Variants in CNTNAP5 observed in about 807,000 individuals in gnomAD.
CNTNAP5 encodes the protein contactin associated protein family member 5.
Under a neutral mutation model 150.2 loss-of-function variants are expected in CNTNAP5, and 72 were observed. The ratio of observed to expected loss-of-function variants is 0.48; its 90% CI spans 0.40 to 0.58. CNTNAP5 has a LOEUF of 0.58. CNTNAP5 is among the 20% of genes least tolerant of loss of function. CNTNAP5 has a pLI of 0.00. For synonymous variants in CNTNAP5, 672 were observed against 619.8 expected (o/e 1.08, Z -1.25); for missense variants, 1,636 against 1,626.2 (o/e 1.01, Z -0.10).
chr2:124,671,985 C>A (rs990291476), intron 13 of CNTNAP5, among the ~76,000 whole-genome samples: 4 of 152,112 alleles, frequency 2.6e-5, no homozygotes, highest in African/African-American at 9.7e-5. Flanking sequence ...TTAGATATAC[C>A]CAGTGAGACT....
intron 5 of CNTNAP5, among the ~76,000 whole-genome samples, chr2:124,443,160 A>G (rs1692718638): frequency 6.6e-6 from 1 of 151,612 alleles, no homozygotes; most frequent in Non-Finnish European, 1.5e-5. Context: ...TCTAAAGTAA[A>G]TAGAAACATC....
At chr2:124,401,161 C>A (rs1298172719) in intron 3 of CNTNAP5, among the ~76,000 whole-genome samples, 1 of 152,162 alleles carries the variant, frequency 6.6e-6, no homozygotes, top group African/African-American at 2.4e-5. Context: ...CCATCGTGCC[C>A]AGCCAATTAT....
At chr2:124,282,905 CAG>C (rs1688048989) in intron 3 of CNTNAP5, among the ~76,000 whole-genome samples, 1 of 151,692 alleles carries the variant, frequency 6.6e-6, no homozygotes, top group African/African-American at 2.4e-5. Flanking sequence ...ATTTTTCAAT[CAG>C]TGAATAAACA....
intron 13 of CNTNAP5, among the ~76,000 whole-genome samples, chr2:124,729,254 T>A (rs1680221054): frequency 6.6e-6 from 1 of 152,106 alleles, no homozygotes; most frequent in Non-Finnish European, 1.5e-5. Flanking sequence ...CATTTCTTAG[T>A]TGAGAACTCT....
At chr2:124,062,301 A>G (rs957695159) in intron 1 of CNTNAP5, among the ~76,000 whole-genome samples, 3 of 151,974 alleles carry the variant, frequency 2.0e-5, no homozygotes, top group African/African-American at 4.8e-5. Context: ...CTCCCTCACA[A>G]TCTACTCCTC....
chr2:124,772,806 A>C lies in CNTNAP5; in HGVS notation c.2541A>C (p.Ser847=). 2 of 1,612,638 alleles carry C rather than the reference A, an allele frequency of 1.2e-6. No homozygotes were observed. The highest frequency in any genetic ancestry group is 2.2e-5 in the East Asian group (1 of 44,854). The change falls in exon 17 of 24, where the codon TCA becomes TCC. Residue 847 remains serine (S), a synonymous_variant. Transcript: ENST00000682447. ...DFIRLEISSP[S]EITFAIDVGN... ...TTTCCTTTCCGGTTTCAGCTCCTTC[A>C]GAGATCACCTTTGCCATCGATGTTG...
intron 6 of CNTNAP5, among the ~76,000 whole-genome samples, chr2:124,457,295 T>C (rs1225745756): frequency 6.6e-6 from 1 of 152,004 alleles, no homozygotes; most frequent in African/African-American, 2.4e-5. Context: ...CAAAGATAAA[T>C]AGCTAGGACT....
At chr2:124,471,277 C>T (rs1238734529) in intron 6 of CNTNAP5, among the ~76,000 whole-genome samples, 7 of 152,000 alleles carry the variant, frequency 4.6e-5, no homozygotes, top group Non-Finnish European at 1.0e-4. Context: ...TGAAGAGGTC[C>T]TTCACTTTCC....
At chr2:124,772,722 G>T (rs371982486) in intron 16 of CNTNAP5, 77 bp from the exon 17 acceptor site, 1 of 1,074,854 alleles carries the variant, frequency 9.3e-7, no homozygotes, top group Non-Finnish European at 1.4e-6. Context: ...ACTTACAATC[G>T]TTTCTCCCAC....
rs1351429031 is a variant in CNTNAP5, at chr2:124,640,785, A to G, written c.1877-6973A>G. Among the ~76,000 whole-genome samples, 3 of 152,170 alleles carry G rather than the reference A, an allele frequency of 2.0e-5. No individual in the cohort carries two copies. The East Asian group carries it at 5.8e-4, about 29-fold the overall frequency. On this transcript the variant is annotated intron_variant, in intron 12 of 23. Transcript: ENST00000682447. ...CGGCTTCGCTTCAACAGAACGGTTC[A>G]TAGCAGATCAGCTTTGACTTGGAGT...
intron 13 of CNTNAP5, among the ~76,000 whole-genome samples, chr2:124,716,165 G>C (rs561687005): frequency 1.3e-5 from 2 of 151,814 alleles, no homozygotes; most frequent in African/African-American, 2.4e-5. Flanking sequence ...CCCCTACAAG[G>C]CCACTATCAA....
chr2:124,103,001 A>G (rs1464282903), intron 1 of CNTNAP5, among the ~76,000 whole-genome samples: 3 of 152,204 alleles, frequency 2.0e-5, no homozygotes, highest in Non-Finnish European at 4.4e-5. Flanking sequence ...ATTACAGCGA[A>G]TGGACCACAT....
intron 1 of CNTNAP5, among the ~76,000 whole-genome samples, chr2:124,056,913 C>A (rs1681864637): frequency 6.6e-6 from 1 of 152,174 alleles, no homozygotes; most frequent in Non-Finnish European, 1.5e-5. Flanking sequence ...CCATTCTCAG[C>A]ATTTTCTCCA....
At chr2:124,496,457 A>T (rs1364947172) in intron 7 of CNTNAP5, among the ~76,000 whole-genome samples, 1 of 152,160 alleles carries the variant, frequency 6.6e-6, no homozygotes, top group African/African-American at 2.4e-5. Flanking sequence ...ATGCCTCATG[A>T]CTGAAGCTCA....
intron 3 of CNTNAP5, among the ~76,000 whole-genome samples, chr2:124,252,270 G>A (rs574173423): frequency 2.0e-5 from 3 of 152,178 alleles, no homozygotes; most frequent in South Asian, 2.1e-4. Flanking sequence ...TAATAGGCAC[G>A]TAATTTAAGG....
chr2:124,373,896 T>C (rs956209282), intron 3 of CNTNAP5, among the ~76,000 whole-genome samples: 21 of 152,088 alleles, frequency 1.4e-4, no homozygotes, highest in African/African-American at 4.8e-4. Context: ...AATAAAATTA[T>C]ATTTATGAAT....
chr2:124,245,724 A>G (rs1443266873), intron 3 of CNTNAP5, among the ~76,000 whole-genome samples: 1 of 150,700 alleles, frequency 6.6e-6, no homozygotes, highest in African/African-American at 2.4e-5. Context: ...TATATACACA[A>G]ATATATACAT....
At chr2:124,261,997 A>G (rs1021986194) in intron 3 of CNTNAP5, among the ~76,000 whole-genome samples, 1 of 152,058 alleles carries the variant, frequency 6.6e-6, no homozygotes, top group Admixed American at 6.6e-5. Context: ...TAATCTCAGC[A>G]CTTTGAGAGG....
rs145474980 is a variant in CNTNAP5 at position 124,439,752 on chromosome 2, A to T, written c.733+5065A>T. On this transcript the variant is annotated intron_variant, in intron 5 of 23. Transcript: ENST00000682447. ...ATTCAATAGCTTTGCGTATTGCCCAACAAAGTTGAAAGGGGGTACCTTTAC... is the reference window on the plus strand; with the variant it reads ...ATTCAATAGCTTTGCGTATTGCCCATCAAAGTTGAAAGGGGGTACCTTTAC... Among the ~76,000 whole-genome samples the T allele has an allele frequency of 1.5e-3, 233 of 152,264 alleles. 1 individual carries two copies. The highest frequency in any genetic ancestry group is 5.2e-3 in the African/African-American group (218 of 41,578).
Sources: allele counts gnomAD v4.1 joint callset (sites outside exome capture counted in the v4.1 genomes callset), GRCh38; gene constraint gnomAD v4.1.1; transcripts MANE v1.5; gene names NCBI Gene and HGNC (gene_info 2026-07-23, HGNC 2026-07-21).